Variants in KCNAB1 observed in about 807,000 individuals in gnomAD.
The protein encoded by KCNAB1 is voltage-gated potassium channel subunit beta-1.
Under a neutral mutation model 64.6 loss-of-function variants are expected in KCNAB1, and 35 were observed. The ratio of observed to expected loss-of-function variants is 0.54; its 90% CI spans 0.41 to 0.72. The LOEUF is 0.72. Ranked by LOEUF, KCNAB1 falls within the 30% of genes least tolerant of loss-of-function variation. The probability of loss-of-function intolerance (pLI) is 0.00; values close to 1 mark genes in which losing one functional copy is unlikely to be tolerated. For synonymous variants in KCNAB1, 177 were observed against 183.8 expected (o/e 0.96, Z 0.30); for missense variants, 401 against 512.9 (o/e 0.78, Z 2.11).
chr3:156,349,186 C>A (rs560157569), intron 1 of KCNAB1, among the ~76,000 whole-genome samples: 1 of 152,220 alleles, frequency 6.6e-6, no homozygotes, highest in South Asian at 2.1e-4. Flanking sequence ...TCTAGAGGAA[C>A]CACTTAATTT....
chr3:156,234,178 C>A (rs756653042), intron 1 of KCNAB1, among the ~76,000 whole-genome samples: 1 of 151,952 alleles, frequency 6.6e-6, no homozygotes, highest in Admixed American at 6.6e-5. Flanking sequence ...CAGCATTGAA[C>A]AGTGAGAGGA....
At chr3:156,177,669 G>T (rs548092577) in intron 1 of KCNAB1, among the ~76,000 whole-genome samples, 1 of 149,110 alleles carries the variant, frequency 6.7e-6, no homozygotes, top group Non-Finnish European at 1.5e-5. Flanking sequence ...GAGCCACTGC[G>T]CCCGGCCGTT....
chr3:156,536,798 C>A lies in KCNAB1; in HGVS notation c.*51C>A. 1 of 1,282,104 alleles carries A rather than the reference C, an allele frequency of 7.8e-7. No homozygotes were observed. Among genetic ancestry groups the A allele is most frequent in the Non-Finnish European group, 1.1e-6 (1 of 878,718 alleles). The allele number at this position is 1,282,104 out of a possible 1,614,324, so 79.4% of individuals were successfully genotyped here. A position where few individuals can be genotyped will look rare whatever the true frequency, so the allele number is the denominator to read the frequency against. ...CATGGTTAAAATAGCGGCCTGTGCC[C>A]AGTACAGAAAGGTGTTACTAACCAG... On this transcript the variant is annotated 3_prime_UTR_variant, in exon 14 of 14. Coordinates refer to ENST00000490337, the MANE Select transcript of KCNAB1 (RefSeq NM_172160.3).
At chr3:156,318,539 C>T (rs1051706282) in intron 1 of KCNAB1, among the ~76,000 whole-genome samples, 1 of 152,140 alleles carries the variant, frequency 6.6e-6, no homozygotes. Flanking sequence ...AATGTCAACT[C>T]CATGAGGGCA....
intron 13 of KCNAB1, 190 bp from the exon 14 acceptor site, chr3:156,536,468 G>A: frequency 1.8e-6 from 1 of 562,700 alleles, no homozygotes; most frequent in Non-Finnish European, 3.2e-6. Flanking sequence ...CTTCATTTAT[G>A]CAGTCAATCA....
In KCNAB1 at chr3:156,251,787, C is replaced by T. The variant is rs17307121; in HGVS notation, c.275+130901C>T. ...CCAGAATTTTCATAGGTATGCTCCTCGAGATGTTCTGTGCAATTGAAATTT... is the reference window on the plus strand; with the variant it reads ...CCAGAATTTTCATAGGTATGCTCCTTGAGATGTTCTGTGCAATTGAAATTT... On this transcript the variant is annotated intron_variant, in intron 1 of 13. Coordinates refer to ENST00000490337, the MANE Select transcript of KCNAB1 (RefSeq NM_172160.3). 5.7e-3 allele frequency among the ~76,000 whole-genome samples: 862 copies of T among 152,196 alleles called. 9 individuals are homozygous for T. Among genetic ancestry groups the T allele is most frequent in the South Asian group, 0.016 (78 of 4,810 alleles).
At chr3:156,343,540 C>T (rs1019592471) in intron 1 of KCNAB1, among the ~76,000 whole-genome samples, 1 of 152,182 alleles carries the variant, frequency 6.6e-6, no homozygotes, top group African/African-American at 2.4e-5. Flanking sequence ...CGAGTCAGGG[C>T]CTTTTCAGCC....
In KCNAB1 at chr3:156,478,459, G is replaced by A. The variant is rs115806176; in HGVS notation, c.658+3639G>A. Among the ~76,000 whole-genome samples, 1,209 of 152,084 alleles carry A rather than the reference G, an allele frequency of 7.9e-3. 16 individuals carry two copies. The highest frequency in any genetic ancestry group is 7.8e-3 in the Non-Finnish European group (527 of 67,978). ...GGCACCTCTTTTAAACACAGGGGACGTAGCACTTTCAAATGAGTTCAGCCC... is the reference window on the plus strand; with the variant it reads ...GGCACCTCTTTTAAACACAGGGGACATAGCACTTTCAAATGAGTTCAGCCC... On this transcript the variant is annotated intron_variant, in intron 8 of 13. Transcript: ENST00000490337.
At chr3:156,489,053 T>A (rs929087488) in intron 8 of KCNAB1, among the ~76,000 whole-genome samples, 22 of 152,064 alleles carry the variant, frequency 1.4e-4, no homozygotes, top group African/African-American at 5.3e-4. Context: ...AGTTTAGTCA[T>A]CTTGAGTTTG....
At chr3:156,366,241 A>G (rs1725938188) in intron 1 of KCNAB1, among the ~76,000 whole-genome samples, 4 of 152,228 alleles carry the variant, frequency 2.6e-5, no homozygotes, top group Admixed American at 2.6e-4. Flanking sequence ...GTTTAAAACA[A>G]ATGATGGGAT....
intron 1 of KCNAB1, among the ~76,000 whole-genome samples, chr3:156,201,935 G>T (rs1261764091): frequency 6.6e-6 from 1 of 152,162 alleles, no homozygotes; most frequent in African/African-American, 2.4e-5. Flanking sequence ...AGGTATCTGG[G>T]TGCTTTATTG....
chr3:156,511,197 A>G (rs1048416191), intron 8 of KCNAB1, among the ~76,000 whole-genome samples: 1 of 151,816 alleles, frequency 6.6e-6, no homozygotes, highest in Admixed American at 6.6e-5. Context: ...TCCACCTCCC[A>G]GGTTCATGCC....
chr3:156,325,651 C>A (rs1034015704), intron 1 of KCNAB1, among the ~76,000 whole-genome samples: 3 of 151,644 alleles, frequency 2.0e-5, no homozygotes, highest in Admixed American at 2.0e-4. Context: ...TATGTATTGC[C>A]AAATTAAAAT....
At chr3:156,322,286 A>G (rs777886840) in intron 1 of KCNAB1, among the ~76,000 whole-genome samples, 5 of 152,192 alleles carry the variant, frequency 3.3e-5, no homozygotes, top group African/African-American at 4.8e-5. Context: ...GAATATGTTA[A>G]ATGAACGTTT....
At chr3:156,166,530 TAC>T (rs57754528) in intron 1 of KCNAB1, among the ~76,000 whole-genome samples, 7,057 of 148,870 alleles carry the variant, frequency 0.047, 275 homozygotes, top group African/African-American at 0.098. Flanking sequence ...AATACATATA[TAC>T]ACACACACAC....
At chr3:156,343,282 GC>G (rs1323238598) in intron 1 of KCNAB1, among the ~76,000 whole-genome samples, 1 of 152,202 alleles carries the variant, frequency 6.6e-6, no homozygotes, top group Non-Finnish European at 1.5e-5. Flanking sequence ...CTGAGAAGGG[GC>G]TCTGGATTCT....
chr3:156,310,675 G>C (rs1413412459), intron 1 of KCNAB1, among the ~76,000 whole-genome samples: 2 of 152,140 alleles, frequency 1.3e-5, no homozygotes, highest in African/African-American at 4.8e-5. Context: ...GGGGTGGCGG[G>C]TGCCTGTATT....
At chr3:156,253,341 C>T (rs915197395) in intron 1 of KCNAB1, among the ~76,000 whole-genome samples, 4 of 152,176 alleles carry the variant, frequency 2.6e-5, no homozygotes, top group Admixed American at 6.5e-5. Flanking sequence ...CTTTCACATC[C>T]CCTCCCCACA....
chr3:156,348,196 T>G (rs1002284348), intron 1 of KCNAB1, among the ~76,000 whole-genome samples: 2 of 152,128 alleles, frequency 1.3e-5, no homozygotes, highest in African/African-American at 2.4e-5. Context: ...GGCTATGACA[T>G]TTAAGCTGAG....
Sources: allele counts gnomAD v4.1 joint callset (sites outside exome capture counted in the v4.1 genomes callset), GRCh38; gene constraint gnomAD v4.1.1; transcripts MANE v1.5; gene names NCBI Gene and HGNC (gene_info 2026-07-23, HGNC 2026-07-21).